The following MGAT5 variants were observed in gnomAD, a reference collection of about 807,000 sequenced individuals.
MGAT5 encodes alpha-1,6-mannosylglycoprotein 6-beta-N-acetylglucosaminyltransferase A.
MGAT5 carries 30 observed loss-of-function variants against 94.3 expected under a neutral mutation model. The observed-to-expected ratio is 0.32, with a 90% CI of 0.24 to 0.43. The LOEUF is 0.43. MGAT5 is among the 20% of genes least tolerant of loss of function. The pLI, the probability that MGAT5 is intolerant of heterozygous loss-of-function variation, is 1.00. For synonymous variants in MGAT5, 310 were observed against 322.9 expected (o/e 0.96, Z 0.43); for missense variants, 691 against 905.5 (o/e 0.76, Z 3.04).
At chr2:134,375,798 C>G (rs1389262770) in intron 10 of MGAT5, among the ~76,000 whole-genome samples, 3 of 152,172 alleles carry the variant, frequency 2.0e-5, no homozygotes, top group Non-Finnish European at 4.4e-5. Flanking sequence ...GGGATTTCAT[C>G]TCACTTCCCT....
intron 15 of MGAT5, among the ~76,000 whole-genome samples, chr2:134,442,163 T>C (rs921639098): frequency 2.6e-5 from 4 of 152,292 alleles, no homozygotes; most frequent in African/African-American, 9.6e-5. Context: ...GTGTTGTATT[T>C]GCATAAATAA....
intron 2 of MGAT5, among the ~76,000 whole-genome samples, chr2:134,283,536 T>C (rs140051473): frequency 6.6e-6 from 1 of 152,132 alleles, no homozygotes; most frequent in Non-Finnish European, 1.5e-5. Flanking sequence ...GAGGTAGGGT[T>C]TGGAGTTTCA....
rs1396945229 is a variant in MGAT5, at chr2:134,139,367, C to T, written c.-143+19076C>T. ...AAGGTGTGTAGATACAAATTTACTA[C>T]TCTTGTTTTTAGCACTCTGGCCGTG... On this transcript the variant is annotated intron_variant, in intron 1 of 16. Coordinates refer to the MGAT5 transcript ENST00000409645. Among the ~76,000 whole-genome samples, 8 of 152,150 alleles carry T rather than the reference C, an allele frequency of 5.3e-5. No individual in the cohort carries two copies. In the East Asian group the frequency reaches 1.5e-3, roughly 29 times the overall value.
intron 1 of MGAT5, among the ~76,000 whole-genome samples, chr2:134,191,526 C>T (rs1326286275): frequency 6.6e-6 from 1 of 150,610 alleles, no homozygotes; most frequent in Non-Finnish European, 1.5e-5. Context: ...TCCTCCTCCT[C>T]CTCCTTGCGG....
chr2:134,192,672 T>C (rs1679288232), intron 1 of MGAT5, among the ~76,000 whole-genome samples: 1 of 152,120 alleles, frequency 6.6e-6, no homozygotes, highest in East Asian at 1.9e-4. Flanking sequence ...TTTTTTTATT[T>C]TTTTATTTTT....
chr2:134,126,071 A>G (rs866210321), intron 1 of MGAT5, among the ~76,000 whole-genome samples: 3 of 152,228 alleles, frequency 2.0e-5, no homozygotes, highest in Non-Finnish European at 4.4e-5. Flanking sequence ...GCGGAGTCCT[A>G]GAAAGAGAGC....
chr2:134,291,321 C>A (rs141078980), intron 2 of MGAT5, among the ~76,000 whole-genome samples: 1 of 152,144 alleles, frequency 6.6e-6, no homozygotes, highest in Non-Finnish European at 1.5e-5. Context: ...TTTTTTCTCT[C>A]TGTTCTTGTC....
chr2:134,444,533 C>G (rs1185113808), intron 15 of MGAT5, among the ~76,000 whole-genome samples: 2 of 152,256 alleles, frequency 1.3e-5, no homozygotes, highest in African/African-American at 4.8e-5. Context: ...CCCCTGCTAT[C>G]TGGCAGTCTA....
intron 14 of MGAT5, among the ~76,000 whole-genome samples, chr2:134,435,918 T>C (rs999346526): frequency 6.6e-6 from 1 of 152,182 alleles, no homozygotes; most frequent in Non-Finnish European, 1.5e-5. Context: ...CTGGCACTTA[T>C]GGGAGAGAAG....
At chr2:134,177,334 T>C (rs1261143865) in intron 1 of MGAT5, among the ~76,000 whole-genome samples, 2 of 152,200 alleles carry the variant, frequency 1.3e-5, no homozygotes, top group African/African-American at 4.8e-5. Context: ...TAGGTCATCC[T>C]GCTGTAACTG....
chr2:134,415,643 T>C (rs1574053514), intron 12 of MGAT5, among the ~76,000 whole-genome samples: 1 of 152,218 alleles, frequency 6.6e-6, no homozygotes, highest in East Asian at 1.9e-4. Context: ...CAGTTGCCTG[T>C]TTTTGCTTTT....
At chr2:134,443,130 G>A (rs1574112143) in intron 15 of MGAT5, among the ~76,000 whole-genome samples, 1 of 152,222 alleles carries the variant, frequency 6.6e-6, no homozygotes, top group East Asian at 1.9e-4. Context: ...GGCCTCTTGT[G>A]TCCTGCCTGC....
intron 1 of MGAT5, among the ~76,000 whole-genome samples, chr2:134,153,868 G>GTTAAA (rs1687348103): frequency 1.3e-5 from 2 of 152,082 alleles, no homozygotes; most frequent in African/African-American, 4.8e-5. Context: ...TGCTATGAGG[G>GTTAAA]TTAAGGCCCA....
chr2:134,404,179 T>C (rs747714845), intron 11 of MGAT5, among the ~76,000 whole-genome samples: 1 of 152,206 alleles, frequency 6.6e-6, no homozygotes, highest in Non-Finnish European at 1.5e-5. Context: ...CACATGGATC[T>C]CTCTTGTGGT....
At chr2:134,393,739 T>G (rs1049419558) in intron 10 of MGAT5, among the ~76,000 whole-genome samples, 4 of 152,180 alleles carry the variant, frequency 2.6e-5, no homozygotes, top group African/African-American at 9.7e-5. Context: ...TGAGTGAAAT[T>G]GTTTCAGCCC....
At chr2:134,312,175 G>T (rs1240404671) in intron 2 of MGAT5, among the ~76,000 whole-genome samples, 1 of 152,136 alleles carries the variant, frequency 6.6e-6, no homozygotes, top group Non-Finnish European at 1.5e-5. Flanking sequence ...GCTTGAACCT[G>T]GGAGGCTGAG....
intron 2 of MGAT5, among the ~76,000 whole-genome samples, chr2:134,292,754 C>T (rs973916785): frequency 2.0e-5 from 3 of 152,122 alleles, no homozygotes; most frequent in Non-Finnish European, 2.9e-5. Context: ...GTTAACACTC[C>T]GAGCAAGGGG....
chr2:134,294,277 T>G (rs1204077511), intron 2 of MGAT5, among the ~76,000 whole-genome samples: 1 of 152,120 alleles, frequency 6.6e-6, no homozygotes, highest in African/African-American at 2.4e-5. Flanking sequence ...GTAAAGTAAC[T>G]TTTTGTTTTC....
chr2:134,377,638 G>A (rs1219080533), intron 10 of MGAT5, among the ~76,000 whole-genome samples: 1 of 152,170 alleles, frequency 6.6e-6, no homozygotes, highest in East Asian at 1.9e-4. Flanking sequence ...CACTTACATG[G>A]ACAAAGGCAA....
Sources: allele counts gnomAD v4.1 joint callset (sites outside exome capture counted in the v4.1 genomes callset), GRCh38; gene constraint gnomAD v4.1.1; transcripts MANE v1.5; gene names NCBI Gene and HGNC (gene_info 2026-07-23, HGNC 2026-07-21).